SH2D4B: variants seen among roughly 807,000 people sequenced by gnomAD.
SH2D4B encodes SH2 domain containing 4B, also known as SH2 domain-containing protein 4B.
Under a neutral mutation model 61.5 loss-of-function variants are expected in SH2D4B, and 45 were observed. That is an observed-to-expected ratio of 0.73 (90% CI 0.58 to 0.94). SH2D4B has a LOEUF of 0.94. Among genes scored for constraint, SH2D4B ranks in the 40% least tolerant of loss-of-function variants. The probability of loss-of-function intolerance (pLI) is 0.00; values close to 1 mark genes in which losing one functional copy is unlikely to be tolerated. For missense variants in SH2D4B, 572 were observed against 574.2 expected (o/e 1.00, Z 0.04); for synonymous variants, 224 against 220.4 (o/e 1.02, Z -0.14).
At chr10:80,548,079 A>T (rs962455406) in intron 1 of SH2D4B, among the ~76,000 whole-genome samples, 1 of 152,070 alleles carries the variant, frequency 6.6e-6, no homozygotes. Context: ...AGGCAAGCAG[A>T]CCCTGACACT....
At chr10:80,547,588 T>C (rs1446324500) in intron 1 of SH2D4B, among the ~76,000 whole-genome samples, 1 of 151,860 alleles carries the variant, frequency 6.6e-6, no homozygotes, top group Non-Finnish European at 1.5e-5. Context: ...GTTAGGGAGG[T>C]GACTGACAGA....
intron 6 of SH2D4B, among the ~76,000 whole-genome samples, chr10:80,611,175 CAAAAAAAAAA>C (rs35997031): frequency 1.3e-4 from 6 of 45,038 alleles, no homozygotes; most frequent in East Asian, 1.2e-3. Flanking sequence ...GACTCAGTCT[CAAAAAAAAAA>C]AAAAAAAAAA....
chr10:80,636,278 AGTAG>A (rs1840166766), intron 7 of SH2D4B, among the ~76,000 whole-genome samples: 2 of 152,218 alleles, frequency 1.3e-5, no homozygotes, highest in African/African-American at 4.8e-5. Context: ...GTGTCTTTAT[AGTAG>A]CATGATTTAT....
At chr10:80,624,993 T>C (rs1842755330) in intron 6 of SH2D4B, among the ~76,000 whole-genome samples, 1 of 152,202 alleles carries the variant, frequency 6.6e-6, no homozygotes, top group Non-Finnish European at 1.5e-5. Flanking sequence ...CTTCTCTCCA[T>C]TGTAACCTCT....
chr10:80,590,008 G>A (rs143116756), intron 4 of SH2D4B, among the ~76,000 whole-genome samples: 28 of 152,298 alleles, frequency 1.8e-4, no homozygotes, highest in Middle Eastern at 3.4e-3. Flanking sequence ...GCCCAGAAAT[G>A]ACACTTGTAA....
intron 5 of SH2D4B, 115 bp from the exon 6 acceptor site, chr10:80,609,309 C>A: frequency 9.3e-7 from 1 of 1,071,646 alleles, no homozygotes; most frequent in Non-Finnish European, 1.3e-6. Context: ...CCCCCCCTTC[C>A]TCCTCCTCCT....
At chr10:80,554,183 A>T (rs1216833576) in intron 1 of SH2D4B, among the ~76,000 whole-genome samples, 1 of 152,210 alleles carries the variant, frequency 6.6e-6, no homozygotes, top group Non-Finnish European at 1.5e-5. Flanking sequence ...ATCTGTGTTA[A>T]GAGAACACAT....
Position 80,571,285 on chromosome 10 carries a change from GAGAATGCCT to G in SH2D4B, c.348-144_348-136del. 3.5e-6 allele frequency: 3 copies of G among 846,202 alleles called. No homozygotes were observed. In the South Asian group the frequency reaches 5.5e-5, roughly 15 times the overall value. 52.4% of individuals were successfully genotyped at this position (846,202 alleles called of 1,614,324 possible). The stretch of plus-strand genomic sequence containing the variant: ...TGTGCCGATTTACACTCCCATGCGT[GAGAATGCCT>G]ATTTCTCCCTGTCTTTGCCAACACC... On this transcript the variant is annotated intron_variant, in intron 2 of 7. Coordinates refer to ENST00000646907, the MANE Select transcript of SH2D4B (RefSeq NM_001388272.1).
intron 5 of SH2D4B, chr10:80,607,632 C>T (rs2132142937): frequency 6.6e-6 from 1 of 152,352 alleles, no homozygotes; most frequent in South Asian, 2.1e-4. Flanking sequence ...AAAGAAATGC[C>T]CCACGGATTT....
chr10:80,549,030 T>C (rs1048373763), intron 1 of SH2D4B, among the ~76,000 whole-genome samples: 4 of 152,202 alleles, frequency 2.6e-5, no homozygotes, highest in Admixed American at 6.5e-5. Context: ...TGAGGCATCA[T>C]GGTGGGTGCA....
intron 1 of SH2D4B, among the ~76,000 whole-genome samples, chr10:80,562,885 A>T (rs952552451): frequency 1.3e-4 from 20 of 148,356 alleles, no homozygotes; most frequent in Non-Finnish European, 2.7e-4. Flanking sequence ...ATGATGCTGA[A>T]CATTTTTTCT....
chr10:80,639,212 G>A (rs1840244642), intron 7 of SH2D4B, among the ~76,000 whole-genome samples: 1 of 152,128 alleles, frequency 6.6e-6, no homozygotes, highest in Admixed American at 6.5e-5. Flanking sequence ...CCAACTGTGT[G>A]GTCAATTTTG....
intron 3 of SH2D4B, among the ~76,000 whole-genome samples, chr10:80,573,211 C>T (rs1311633859): frequency 1.3e-5 from 2 of 149,436 alleles, no homozygotes; most frequent in Non-Finnish European, 3.0e-5. Context: ...TGGTCTCGAT[C>T]TCCTGACCTC....
chr10:80,587,596 AC>A (rs1475353535), intron 3 of SH2D4B, among the ~76,000 whole-genome samples: 4 of 151,798 alleles, frequency 2.6e-5, no homozygotes, highest in African/African-American at 9.7e-5. Context: ...TTCTTTCTAA[AC>A]TTTTATTTTA....
intron 5 of SH2D4B, among the ~76,000 whole-genome samples, chr10:80,605,296 A>C (rs12769131): frequency 0.019 from 2,579 of 133,814 alleles, 39 homozygotes; most frequent in African/African-American, 0.057. Flanking sequence ...CTTTTTTTTT[A>C]ACAGGTGCAT....
chr10:80,630,034 A>G (rs1370060093), intron 6 of SH2D4B, among the ~76,000 whole-genome samples: 1 of 152,196 alleles, frequency 6.6e-6, no homozygotes, highest in Non-Finnish European at 1.5e-5. Context: ...GTGAAGGACA[A>G]AGGGGGAGGG....
chr10:80,606,137 G>A (rs530431864), intron 5 of SH2D4B, among the ~76,000 whole-genome samples: 2 of 152,154 alleles, frequency 1.3e-5, no homozygotes, highest in Admixed American at 6.5e-5. Context: ...CCTCTGTGGC[G>A]CCTGTCAGCA....
chr10:80,544,151 G>GT (rs1564763886), intron 1 of SH2D4B, among the ~76,000 whole-genome samples: 1 of 152,098 alleles, frequency 6.6e-6, no homozygotes, highest in Admixed American at 6.5e-5. Context: ...TTTATGAGCT[G>GT]TAACAGTCAC....
At chr10:80,571,312 C>T (rs1051963329) in intron 2 of SH2D4B, 119 bp from the exon 3 acceptor site, 2 of 1,193,924 alleles carry the variant, frequency 1.7e-6, no homozygotes, top group Middle Eastern at 2.1e-4. Context: ...CCTGTCTTTG[C>T]CAACACCGAA....
Sources: gnomAD v4.1 joint callset for allele counts (sites outside exome capture counted in the v4.1 genomes callset) on GRCh38, gnomAD v4.1.1 for gene constraint, MANE v1.5 for transcripts, NCBI Gene and HGNC (gene_info 2026-07-23, HGNC 2026-07-21) for gene names.